The following AGBL1 variants were observed in gnomAD, a reference collection of about 807,000 sequenced individuals.
AGBL1 encodes AGBL carboxypeptidase 1.
In AGBL1, 130 loss-of-function variants were observed where a neutral mutation model predicts 118.9. The observed-to-expected ratio is 1.09, with a 90% CI of 0.95 to 1.26. The LOEUF is 1.26. Ranked by LOEUF, AGBL1 falls within the 50% of genes most tolerant of loss-of-function variation. The pLI is 0.00. For missense variants in AGBL1, 1,584 were observed against 1,298.1 expected (o/e 1.22, Z -3.38); for synonymous variants, 555 against 478.9 (o/e 1.16, Z -2.08).
At chr15:86,353,174 C>G (rs528213903) in intron 17 of AGBL1, among the ~76,000 whole-genome samples, 1 of 152,274 alleles carries the variant, frequency 6.6e-6, no homozygotes, top group South Asian at 2.1e-4. Context: ...TTATACCATG[C>G]TTTGCAGAAA....
chr15:86,373,409 G>A (rs1211801570), intron 17 of AGBL1, among the ~76,000 whole-genome samples: 1 of 152,200 alleles, frequency 6.6e-6, no homozygotes, highest in Admixed American at 6.5e-5. Context: ...TTAGCATGGT[G>A]GAGGGCATGG....
At chr15:86,996,166 C>T (rs571486542) in intron 24 of AGBL1, among the ~76,000 whole-genome samples, 1 of 152,132 alleles carries the variant, frequency 6.6e-6, no homozygotes, top group Non-Finnish European at 1.5e-5. Flanking sequence ...ATATACCCAA[C>T]TTTTTACTGA....
At chr15:86,518,652 G>A (rs554827182) in intron 18 of AGBL1, among the ~76,000 whole-genome samples, 4 of 152,168 alleles carry the variant, frequency 2.6e-5, no homozygotes, top group South Asian at 2.1e-4. Flanking sequence ...AAGATAATGC[G>A]TGTGGGAAAC....
chr15:86,207,577 A>G (rs79259352), intron 5 of AGBL1, among the ~76,000 whole-genome samples: 85,738 of 151,878 alleles, frequency 0.56, 24,490 homozygotes, highest in South Asian at 0.74. Context: ...TGTAACAATT[A>G]TGAATGGGAG....
intron 21 of AGBL1, among the ~76,000 whole-genome samples, chr15:86,597,601 G>A (rs1208344292): frequency 6.6e-6 from 1 of 152,098 alleles, no homozygotes; most frequent in Non-Finnish European, 1.5e-5. Context: ...AACTCAAGAG[G>A]ATAGTTAAGA....
chr15:86,548,859 C>T lies in AGBL1; in HGVS notation c.2817+2726C>T, dbSNP rs575451914. On this transcript the variant is annotated intron_variant, in intron 20 of 22. Coordinates refer to ENST00000614907, the MANE Select transcript of AGBL1 (RefSeq NM_001386094.1). ...TTGGCTCATGGTTATGCAGGCTGTT[C>T]GGGAAGCATAATGTTGGCATCTGCT... 6.1e-4 allele frequency among the ~76,000 whole-genome samples: 93 copies of T among 152,046 alleles called. 1 individual carries two copies. Among genetic ancestry groups the T allele is most frequent in the African/African-American group, 2.0e-3 (81 of 41,468 alleles).
chr15:86,732,960 CAT>C (rs1308837589), intron 22 of AGBL1, among the ~76,000 whole-genome samples: 1 of 141,536 alleles, frequency 7.1e-6, no homozygotes, highest in African/African-American at 3.0e-5. Context: ...TATATACACA[CAT>C]ATACATATAC....
chr15:86,349,280 T>A (rs771858012), intron 17 of AGBL1, among the ~76,000 whole-genome samples: 8 of 152,194 alleles, frequency 5.3e-5, no homozygotes, highest in Non-Finnish European at 1.0e-4. Flanking sequence ...CCTAGGAAAT[T>A]AATACGCTGG....
chr15:86,177,683 C>A (rs1289713677), intron 5 of AGBL1, among the ~76,000 whole-genome samples: 1 of 152,086 alleles, frequency 6.6e-6, no homozygotes, highest in African/African-American at 2.4e-5. Flanking sequence ...TAATGTACTT[C>A]TAAAGGAACT....
chr15:86,695,945 G>A (rs1465125708), intron 22 of AGBL1, among the ~76,000 whole-genome samples: 1 of 151,922 alleles, frequency 6.6e-6, no homozygotes, highest in Non-Finnish European at 1.5e-5. Context: ...TGATTCCACT[G>A]TTGTCTGACA....
intron 24 of AGBL1, among the ~76,000 whole-genome samples, chr15:87,026,361 G>A (rs890660204): frequency 6.6e-5 from 10 of 151,444 alleles, no homozygotes; most frequent in Non-Finnish European, 1.2e-4. Context: ...GACAATTCTC[G>A]AAGATATACA....
intron 18 of AGBL1, among the ~76,000 whole-genome samples, chr15:86,495,088 C>CT (rs61102298): frequency 0.43 from 64,384 of 151,232 alleles, 14,993 homozygotes; most frequent in East Asian, 0.68. Flanking sequence ...CTAGTGCGCT[C>CT]CGTCTGTCTC....
intron 23 of AGBL1, among the ~76,000 whole-genome samples, chr15:86,957,926 G>T (rs1018102446): frequency 2.6e-5 from 4 of 152,030 alleles, no homozygotes; most frequent in African/African-American, 4.8e-5. Flanking sequence ...TTGAGGCCAG[G>T]CACGGTGGCT....
intron 24 of AGBL1, among the ~76,000 whole-genome samples, chr15:87,004,157 T>C (rs2081471779): frequency 1.3e-5 from 2 of 152,216 alleles, no homozygotes; most frequent in Non-Finnish European, 2.9e-5. Flanking sequence ...GAGATTCTGG[T>C]ATGTTGTGTC....
intron 21 of AGBL1, among the ~76,000 whole-genome samples, chr15:86,584,696 G>C (rs532255043): frequency 5.5e-4 from 83 of 152,096 alleles, no homozygotes; most frequent in African/African-American, 1.9e-3. Flanking sequence ...TTTTAGAATA[G>C]GTTTTTTTCT....
intron 24 of AGBL1, among the ~76,000 whole-genome samples, chr15:87,017,780 A>C (rs977895024): frequency 6.6e-6 from 1 of 152,194 alleles, no homozygotes; most frequent in African/African-American, 2.4e-5. Flanking sequence ...AAGGGCACAG[A>C]ACAGGGCTGA....
chr15:86,384,264 G>A (rs75841240), intron 17 of AGBL1, among the ~76,000 whole-genome samples: 6,663 of 152,190 alleles, frequency 0.044, 232 homozygotes, highest in East Asian at 0.14. Flanking sequence ...CTTTCCTCCT[G>A]GCAGTGCTAA....
At chr15:86,880,735 G>A (rs1236173590) in intron 22 of AGBL1, among the ~76,000 whole-genome samples, 1 of 152,158 alleles carries the variant, frequency 6.6e-6, no homozygotes, top group African/African-American at 2.4e-5. Context: ...GGGTATGGGT[G>A]TGTGTGCATA....
chr15:86,262,644 A>G, intron 9 of AGBL1, 134 bp from the exon 10 acceptor site: 1 of 706,894 alleles, frequency 1.4e-6, no homozygotes, highest in South Asian at 1.5e-5. Context: ...TCTTCACTGG[A>G]TGGGCCAGTG....
Sources: gnomAD v4.1 joint callset for allele counts (sites outside exome capture counted in the v4.1 genomes callset) on GRCh38, gnomAD v4.1.1 for gene constraint, MANE v1.5 for transcripts, NCBI Gene and HGNC (gene_info 2026-07-23, HGNC 2026-07-21) for gene names.